Variants in CLIP1 observed in about 807,000 individuals in gnomAD.
CLIP1 encodes the protein CAP-Gly domain containing linker protein 1, also known as CAP-Gly domain-containing linker protein 1.
A neutral mutation model predicts 161.6 loss-of-function variants in CLIP1; 66 were observed. That is an observed-to-expected ratio of 0.41 (90% CI 0.33 to 0.50). The LOEUF (loss-of-function observed/expected upper bound fraction) is 0.50. CLIP1 is among the 20% of genes least tolerant of loss of function. The probability of loss-of-function intolerance (pLI) is 0.27; values close to 1 mark genes in which losing one functional copy is unlikely to be tolerated. For synonymous variants in CLIP1, 598 were observed against 626.2 expected (o/e 0.96, Z 0.67); for missense variants, 1,376 against 1,702.0 (o/e 0.81, Z 3.37).
At chr12:122,287,487 T>A (rs1485824429) in intron 21 of CLIP1, among the ~76,000 whole-genome samples, 1 of 152,200 alleles carries the variant, frequency 6.6e-6, no homozygotes, top group African/African-American at 2.4e-5. Flanking sequence ...AAAAAGCACA[T>A]CACTGTTGTA....
chr12:122,300,650 C>T (rs561210745), intron 20 of CLIP1, among the ~76,000 whole-genome samples: 5 of 152,202 alleles, frequency 3.3e-5, no homozygotes, highest in East Asian at 3.9e-4. Flanking sequence ...CTGCAACCTC[C>T]GCCTCCTGGG....
chr12:122,381,351 G>A (rs918498702), intron 1 of CLIP1, among the ~76,000 whole-genome samples: 1 of 152,110 alleles, frequency 6.6e-6, no homozygotes, highest in Non-Finnish European at 1.5e-5. Flanking sequence ...TTAAAACTAT[G>A]TAAGAAAAAG....
intron 19 of CLIP1, among the ~76,000 whole-genome samples, chr12:122,313,266 C>T (rs549681524): frequency 4.6e-5 from 7 of 152,304 alleles, no homozygotes; most frequent in South Asian, 4.1e-4. Flanking sequence ...CCCTGGGATC[C>T]GGTCCCTCCC....
intron 1 of CLIP1, among the ~76,000 whole-genome samples, chr12:122,412,423 G>A (rs1956574603): frequency 6.6e-6 from 1 of 151,758 alleles, no homozygotes; most frequent in African/African-American, 2.4e-5. Context: ...GGAAGGCTGA[G>A]GTGGGCGGAT....
At position 122,377,551 on chromosome 12, in the gene CLIP1, T is replaced by G; in HGVS notation, c.495A>C (p.Ser165=). 1 of 1,613,928 alleles carries G rather than the reference T, an allele frequency of 6.2e-7. No individual in the cohort carries two copies. The highest frequency in any genetic ancestry group is 8.5e-7 in the Non-Finnish European group (1 of 1,179,988). Residue 165 remains serine (S), a synonymous_variant, in exon 3 of 26, where the codon TCA becomes TCC. Coordinates refer to ENST00000620786, the MANE Select transcript of CLIP1 (RefSeq NM_001247997.2). ...GCTGTGATGGTTTCTGAGGGATGTT[T>G]GAAGGGGTGGAGGGGGAGGAAGACA... ...SMVSSSPSTP[S]NIPQKPSQPA...
chr12:122,303,818 T>C (rs1950773871), intron 20 of CLIP1, among the ~76,000 whole-genome samples: 1 of 152,146 alleles, frequency 6.6e-6, no homozygotes, highest in Admixed American at 6.5e-5. Context: ...GACAGAGCCA[T>C]GTGAGAAGCC....
intron 17 of CLIP1, among the ~76,000 whole-genome samples, chr12:122,320,447 A>T (rs1593059069): frequency 6.6e-6 from 1 of 151,366 alleles, no homozygotes; most frequent in South Asian, 2.1e-4. Flanking sequence ...CTAAAAAAAT[A>T]AATTAATTAA....
At chr12:122,358,154 C>G (rs1341047111) in intron 5 of CLIP1, among the ~76,000 whole-genome samples, 1 of 151,850 alleles carries the variant, frequency 6.6e-6, no homozygotes, top group Non-Finnish European at 1.5e-5. Flanking sequence ...ACCCTGTGCT[C>G]TCTGAAACAT....
intron 20 of CLIP1, among the ~76,000 whole-genome samples, chr12:122,288,941 G>A (rs943508032): frequency 2.0e-5 from 3 of 146,470 alleles, no homozygotes; most frequent in South Asian, 2.1e-4. Flanking sequence ...TCAGCCTCCC[G>A]AGTAGCTGGG....
At position 122,273,993 on chromosome 12, in the gene CLIP1, A is replaced by C. The variant is rs747036502; in HGVS notation, c.4091+45T>G. On this transcript the variant is annotated intron_variant, in intron 25 of 25. Transcript: ENST00000620786. ...AGTGGTCCGCCCGCCTCGGCCTCCC[A>C]AAGTGCTGGGATTATAGCAATCAGT... is the stretch of plus-strand genomic sequence containing the variant. 2.5e-6 allele frequency: 4 copies of C among 1,592,956 alleles called. No individual in the cohort carries two copies. The African/African-American group carries it at 4.0e-5, about 16-fold the overall frequency.
At chr12:122,327,832 T>G in intron 17 of CLIP1, 115 bp downstream of exon 17, 1 of 867,992 alleles carries the variant, frequency 1.2e-6, no homozygotes, top group Non-Finnish European at 1.8e-6. Flanking sequence ...AAGGGTAACG[T>G]CTGTAGAGGC....
At chr12:122,377,335 C>T in intron 3 of CLIP1, 54 bp downstream of exon 3, 1 of 1,493,934 alleles carries the variant, frequency 6.7e-7, no homozygotes, top group Non-Finnish European at 9.2e-7. Context: ...CAACCACTCA[C>T]TGGTGTTTAT....
At chr12:122,422,370 G>A in intron 1 of CLIP1, among the ~76,000 whole-genome samples, 151 bp downstream of exon 1, 1 of 151,626 alleles carries the variant, frequency 6.6e-6, no homozygotes. Context: ...GTCCCCTCCC[G>A]GACGGCTCCG....
At chr12:122,409,994 C>T (rs1199045491) in intron 1 of CLIP1, among the ~76,000 whole-genome samples, 1 of 151,718 alleles carries the variant, frequency 6.6e-6, no homozygotes, top group Non-Finnish European at 1.5e-5. Context: ...CCTCAGCCTC[C>T]CGAGTAGCTG....
intron 20 of CLIP1, among the ~76,000 whole-genome samples, chr12:122,294,071 G>A (rs1382259115): frequency 6.6e-6 from 1 of 151,808 alleles, no homozygotes; most frequent in Non-Finnish European, 1.5e-5. Context: ...CCCCAAACCT[G>A]TAATCCCAGC....
intron 3 of CLIP1, chr12:122,364,786 C>G (rs921206516): frequency 5.1e-6 from 5 of 984,640 alleles, no homozygotes; most frequent in East Asian, 2.7e-5. Context: ...GCCAAAATGA[C>G]GAACACAAAG....
At position 122,278,814 on chromosome 12, in the gene CLIP1, C is replaced by T. The variant is rs755058731; in HGVS notation, c.3894G>A (p.Lys1298=). The change falls in exon 23 of 26, where the codon AAG becomes AAA. Residue 1298 remains lysine (K), a synonymous_variant. Transcript: ENST00000620786. Reference sequence around the variant, plus strand: ...TACCTGAGGAGCTGCTGAGCTGCCTCTTGTTTTCTTTGAGTTGAAGCTCCA... The same window carrying T: ...TACCTGAGGAGCTGCTGAGCTGCCTTTTGTTTTCTTTGAGTTGAAGCTCCA... The part of the protein sequence containing the change: ...KNLELQLKEN[K]RQLSSSSGNT... 1.9e-6 allele frequency: 3 copies of T among 1,606,316 alleles called. No individual in the cohort carries two copies. The highest frequency in any genetic ancestry group is 2.5e-6 in the Non-Finnish European group (3 of 1,176,980).
chr12:122,281,955 G>A (rs560671213), intron 21 of CLIP1, among the ~76,000 whole-genome samples: 1 of 152,182 alleles, frequency 6.6e-6, no homozygotes, highest in African/African-American at 2.4e-5. Flanking sequence ...TGCTGGGGAG[G>A]GATAAACAAA....
intron 21 of CLIP1, among the ~76,000 whole-genome samples, chr12:122,281,413 G>A (rs565602015): frequency 3.3e-5 from 5 of 152,194 alleles, no homozygotes; most frequent in East Asian, 3.9e-4. Context: ...TCAGCCAGGC[G>A]CGGTGTCTCA....
Sources: gnomAD v4.1 joint callset for allele counts (sites outside exome capture counted in the v4.1 genomes callset) on GRCh38, gnomAD v4.1.1 for gene constraint, MANE v1.5 for transcripts, NCBI Gene and HGNC (gene_info 2026-07-23, HGNC 2026-07-21) for gene names.